Variants in CLDN10 observed in about 807,000 individuals in gnomAD.
CLDN10 encodes the protein claudin-10.
CLDN10 carries 15 observed loss-of-function variants against 22.9 expected under a neutral mutation model. The ratio of observed to expected loss-of-function variants is 0.65; its 90% CI spans 0.44 to 1.01. CLDN10 has a LOEUF of 1.01. Ranked by LOEUF, CLDN10 falls within the 50% of genes least tolerant of loss-of-function variation. The probability of loss-of-function intolerance (pLI) is 0.00; values close to 1 mark genes in which losing one functional copy is unlikely to be tolerated. For missense variants in CLDN10, 247 were observed against 287.8 expected (o/e 0.86, Z 1.03); for synonymous variants, 114 against 111.4 (o/e 1.02, Z -0.15).
intron 1 of CLDN10, 143 bp from the exon 2 acceptor site, chr13:95,559,988 CT>C (rs1349253514): frequency 6.4e-6 from 5 of 784,466 alleles, no homozygotes; most frequent in Middle Eastern, 7.1e-4. Context: ...ACTTGCTTTC[CT>C]TTCTTGCTTG....
intron 1 of CLDN10, among the ~76,000 whole-genome samples, chr13:95,520,540 C>A (rs7321287): frequency 0.95 from 143,884 of 152,128 alleles, 68,538 homozygotes; most frequent in East Asian, 1. Context: ...TGCCCTGCTA[C>A]TTTTGTATTT....
chr13:95,540,410 C>T (rs190273485), intron 1 of CLDN10, among the ~76,000 whole-genome samples: 27 of 152,184 alleles, frequency 1.8e-4, no homozygotes, highest in African/African-American at 6.5e-4. Flanking sequence ...AAGAGAATCG[C>T]TTGAGCCTGG....
chr13:95,527,083 T>C (rs771175055), intron 1 of CLDN10, among the ~76,000 whole-genome samples: 5 of 152,164 alleles, frequency 3.3e-5, no homozygotes, highest in Non-Finnish European at 7.3e-5. Flanking sequence ...CCTCCTGTTT[T>C]AGACCCATTT....
At chr13:95,512,114 G>A (rs1427305529) in intron 1 of CLDN10, among the ~76,000 whole-genome samples, 4 of 44,010 alleles carry the variant, frequency 9.1e-5, no homozygotes, top group African/African-American at 2.8e-4. Context: ...GACAAAGATC[G>A]TCTCTCCTTT....
intron 1 of CLDN10, among the ~76,000 whole-genome samples, chr13:95,542,512 T>G (rs2043469399): frequency 6.6e-6 from 1 of 152,224 alleles, no homozygotes; most frequent in Non-Finnish European, 1.5e-5. Flanking sequence ...TATGCTACAT[T>G]CACTAAATAA....
intron 1 of CLDN10, among the ~76,000 whole-genome samples, chr13:95,530,880 A>G (rs2043335153): frequency 6.6e-6 from 1 of 151,958 alleles, no homozygotes; most frequent in Non-Finnish European, 1.5e-5. Context: ...AAACACCTCT[A>G]GCCCTTCAAC....
chr13:95,471,453 A>ATATATATTTTTTTTT (rs776857009), intron 1 of CLDN10, among the ~76,000 whole-genome samples: 1 of 106,412 alleles, frequency 9.4e-6, no homozygotes, highest in African/African-American at 4.0e-5. Context: ...ATATATATAT[A>ATATATATTTTTTTTT]TTTTTTTTTT....
chr13:95,577,223 T>C lies in CLDN10; in HGVS notation c.465-8T>C, dbSNP rs1452208845. 6.3e-7 allele frequency: 1 copy of C among 1,592,060 alleles called. No individual in the cohort carries two copies. The highest frequency in any genetic ancestry group is 1.1e-5 in the South Asian group (1 of 90,480). On this transcript the variant is annotated splice_polypyrimidine_tract_variant and splice_region_variant and intron_variant, in intron 3 of 4. Coordinates refer to ENST00000299339, the MANE Select transcript of CLDN10 (RefSeq NM_006984.5). Reference sequence around the variant, plus strand: ...GAGCTGTAATACTTGTGTAATGCTTTCTCACAGGTATGAATTAGGAGCCGC... The same window carrying C: ...GAGCTGTAATACTTGTGTAATGCTTCCTCACAGGTATGAATTAGGAGCCGC...
chr13:95,544,345 C>T (rs778424577), intron 1 of CLDN10, among the ~76,000 whole-genome samples: 2 of 152,084 alleles, frequency 1.3e-5, no homozygotes, highest in Non-Finnish European at 2.9e-5. Flanking sequence ...GGAAATAAAA[C>T]ATGGCTTAAC....
intron 1 of CLDN10, among the ~76,000 whole-genome samples, chr13:95,514,027 AC>A (rs2043135114): frequency 6.6e-6 from 1 of 152,122 alleles, no homozygotes; most frequent in Non-Finnish European, 1.5e-5. Context: ...GGAGGCCAAG[AC>A]GGGAGGATGG....
At chr13:95,440,669 A>G (rs79586832) in intron 1 of CLDN10, among the ~76,000 whole-genome samples, 1 of 152,196 alleles carries the variant, frequency 6.6e-6, no homozygotes, top group Non-Finnish European at 1.5e-5. Flanking sequence ...TCCAAGAAGC[A>G]TTCGACATGT....
Position 95,495,054 on chromosome 13 carries a change from T to TTA in CLDN10, c.214+61007_214+61008insTA, listed in dbSNP as rs1566300562. Among the ~76,000 whole-genome samples the TTA allele has an allele frequency of 2.1e-3, 317 of 151,888 alleles. 1 individual carries two copies. Among genetic ancestry groups the TTA allele is most frequent in the African/African-American group, 7.3e-3 (302 of 41,362 alleles). ...TAATTAATTAATTAATTTTTTTTTT[T>TTA]AGATGGAGTCTCTCTCTGTTGCCCA... On this transcript the variant is annotated intron_variant, in intron 1 of 4. Coordinates refer to the CLDN10 transcript ENST00000376873.
chr13:95,506,255 A>C (rs931777357), intron 1 of CLDN10, among the ~76,000 whole-genome samples: 4 of 151,972 alleles, frequency 2.6e-5, no homozygotes, highest in African/African-American at 9.7e-5. Context: ...CTGAAATTTA[A>C]TTTCCATCCC....
At chr13:95,569,133 C>G (rs1206629433) in intron 3 of CLDN10, among the ~76,000 whole-genome samples, 1 of 152,126 alleles carries the variant, frequency 6.6e-6, no homozygotes, top group Non-Finnish European at 1.5e-5. Context: ...CCCTAATGCA[C>G]AGTATATTAA....
In CLDN10 at chr13:95,512,749, C is replaced by T. The variant is rs532587367; in HGVS notation, c.215-47383C>T. On this transcript the variant is annotated intron_variant, in intron 1 of 4. Coordinates refer to the CLDN10 transcript ENST00000376873. ...CACTTGTGTGTCCAGGCTTACAACCCTATAGGCTTCCTTAGGAAAATAGAC... is the reference window on the plus strand; with the variant it reads ...CACTTGTGTGTCCAGGCTTACAACCTTATAGGCTTCCTTAGGAAAATAGAC... Among the ~76,000 whole-genome samples, 35 of 152,300 alleles carry T rather than the reference C, an allele frequency of 2.3e-4. No individual in the cohort carries two copies. The South Asian group carries it at 4.4e-3, about 19-fold the overall frequency.
chr13:95,510,311 TC>T lies in CLDN10; in HGVS notation c.215-49818del, dbSNP rs767840004. On this transcript the variant is annotated intron_variant, in intron 1 of 4. Transcript: ENST00000376873. Reference sequence around the variant, plus strand: ...CCCTCAATCCACGTGGTCACCATCTTCCCACCTAAAGAGCACTCACCTCCTT... The same window carrying T: ...CCCTCAATCCACGTGGTCACCATCTTCCACCTAAAGAGCACTCACCTCCTT... Among the ~76,000 whole-genome samples the T allele has an allele frequency of 5.4e-4, 82 of 152,364 alleles. 1 individual carries two copies. Among genetic ancestry groups the T allele is most frequent in the South Asian group, 1.2e-3 (6 of 4,832 alleles).
chr13:95,551,736 C>T (rs1026655920), upstream of CLDN10, among the ~76,000 whole-genome samples: 1 of 152,170 alleles, frequency 6.6e-6, no homozygotes, highest in Non-Finnish European at 1.5e-5. Context: ...AATAATAACC[C>T]GTGTCCTTGT....
At chr13:95,434,478 AACACAC>A (rs55653913) in intron 1 of CLDN10, among the ~76,000 whole-genome samples, 3 of 145,654 alleles carry the variant, frequency 2.1e-5, no homozygotes, top group African/African-American at 5.1e-5. Flanking sequence ...TACACCCACA[AACACAC>A]ACACACACAC....
At chr13:95,540,848 C>CA (rs1171878421) in intron 1 of CLDN10, among the ~76,000 whole-genome samples, 24 of 152,168 alleles carry the variant, frequency 1.6e-4, no homozygotes, top group African/African-American at 5.1e-4. Context: ...CTATGTGACA[C>CA]TTTTTGCTTG....
Sources: gnomAD v4.1 joint callset for allele counts (sites outside exome capture counted in the v4.1 genomes callset) on GRCh38, gnomAD v4.1.1 for gene constraint, MANE v1.5 for transcripts, NCBI Gene and HGNC (gene_info 2026-07-23, HGNC 2026-07-21) for gene names.